The following CDH13 variants were observed in gnomAD, a reference collection of about 807,000 sequenced individuals.
The protein encoded by CDH13 is cadherin-13.
A neutral mutation model predicts 63.8 loss-of-function variants in CDH13; 24 were observed. The ratio of observed to expected loss-of-function variants is 0.38; its 90% CI spans 0.27 to 0.53. The LOEUF is 0.53. CDH13 is among the 20% of genes least tolerant of loss of function. CDH13 has a pLI of 0.85. For missense variants in CDH13, 1,049 were observed against 903.1 expected, an observed-to-expected ratio of 1.16 and a Z score of -2.07; for synonymous variants, 503 against 355.3, an observed-to-expected ratio of 1.42 and a Z score of -4.67.
At chr16:83,055,115 G>A (rs181158924) in intron 3 of CDH13, among the ~76,000 whole-genome samples, 9 of 151,946 alleles carry the variant, frequency 5.9e-5, no homozygotes, top group East Asian at 5.8e-4. Context: ...ATAATAGTAA[G>A]AAGTAGAAAA....
chr16:83,549,211 TCACCTGGGAGAGCCCACGGGAG>T (rs2075445680), intron 7 of CDH13, among the ~76,000 whole-genome samples: 2 of 152,144 alleles, frequency 1.3e-5, no homozygotes, highest in African/African-American at 4.8e-5. Context: ...TCCTTGGGTC[TCACCTGGGAGAGCCCACGGGAG>T]CACCTGTGAG....
At chr16:83,310,817 C>G (rs1463864373) in intron 5 of CDH13, among the ~76,000 whole-genome samples, 1 of 152,172 alleles carries the variant, frequency 6.6e-6, no homozygotes, top group Non-Finnish European at 1.5e-5. Flanking sequence ...TTGCAGGTGA[C>G]TTGCTTCTGC....
At chr16:83,544,392 T>A (rs1359182558) in intron 7 of CDH13, among the ~76,000 whole-genome samples, 1 of 152,144 alleles carries the variant, frequency 6.6e-6, no homozygotes, top group Non-Finnish European at 1.5e-5. Flanking sequence ...TATGACCCGA[T>A]AAACCCATCG....
At chr16:83,227,975 G>C (rs1567522174) in intron 5 of CDH13, among the ~76,000 whole-genome samples, 1 of 152,136 alleles carries the variant, frequency 6.6e-6, no homozygotes, top group Non-Finnish European at 1.5e-5. Flanking sequence ...TGACGATCAG[G>C]TGGCCCTAAG....
At chr16:83,707,544 C>A (rs1273472734) in intron 10 of CDH13, among the ~76,000 whole-genome samples, 1 of 152,010 alleles carries the variant, frequency 6.6e-6, no homozygotes, top group African/African-American at 2.4e-5. Flanking sequence ...ATATTTTTAC[C>A]ATTCACTTTA....
chr16:83,582,249 A>C (rs984564140), intron 7 of CDH13, among the ~76,000 whole-genome samples: 2 of 152,000 alleles, frequency 1.3e-5, no homozygotes, highest in African/African-American at 4.8e-5. Context: ...CTTTACGCAG[A>C]TGTTTCTGGG....
At chr16:83,794,073 C>T (rs986478724) in intron 13 of CDH13, among the ~76,000 whole-genome samples, 11 of 152,126 alleles carry the variant, frequency 7.2e-5, no homozygotes, top group African/African-American at 2.7e-4. Flanking sequence ...CCTTAGAGGC[C>T]AGGAAAGGCA....
At chr16:83,325,972 A>T (rs2090350816) in intron 5 of CDH13, among the ~76,000 whole-genome samples, 1 of 152,154 alleles carries the variant, frequency 6.6e-6, no homozygotes, top group Admixed American at 6.5e-5. Context: ...TGCTAAACTG[A>T]AAGAGAAAAA....
At chr16:83,102,965 T>TTTTTTTTTTTTTTTTTTTTTTTTTTTC (rs2034570357) in intron 3 of CDH13, among the ~76,000 whole-genome samples, 3 of 107,836 alleles carry the variant, frequency 2.8e-5, no homozygotes, top group Non-Finnish European at 5.5e-5. Flanking sequence ...TTTTTTTTTT[T>TTTTTTTTTTTTTTTTTTTTTTTTTTTC]TTTTTGAGGT....
intron 7 of CDH13, among the ~76,000 whole-genome samples, chr16:83,524,197 TAA>T (rs2074904028): frequency 6.6e-6 from 1 of 152,136 alleles, no homozygotes; most frequent in East Asian, 1.9e-4. Context: ...AATTTGCAGT[TAA>T]GAGAATAAAT....
In CDH13 at chr16:82,761,218, A is replaced by G. The variant is rs185391038; in HGVS notation, c.46-97144A>G. Among the ~76,000 whole-genome samples the G allele has an allele frequency of 1.7e-3, 252 of 151,504 alleles. 1 individual carries two copies. The highest frequency in any genetic ancestry group is 6.0e-3 in the African/African-American group (248 of 41,328). On this transcript the variant is annotated intron_variant, in intron 1 of 13. Coordinates refer to ENST00000567109, the MANE Select transcript of CDH13 (RefSeq NM_001257.5). ...TTTGTATTTTTGACGGGGTTTCACC[A>G]TATTGGCCAGGCTGGTCTTGAACTC...
intron 1 of CDH13, among the ~76,000 whole-genome samples, chr16:82,710,048 T>TAC (rs921251629): frequency 1.5e-4 from 22 of 150,072 alleles, no homozygotes; most frequent in South Asian, 2.1e-4. Flanking sequence ...AAAGTATGCA[T>TAC]ACACACACAC....
At chr16:83,532,401 C>G (rs1269294260) in intron 7 of CDH13, among the ~76,000 whole-genome samples, 1 of 152,158 alleles carries the variant, frequency 6.6e-6, no homozygotes, top group Admixed American at 6.5e-5. Context: ...AGTTTAATGC[C>G]CAGCACCTGG....
intron 1 of CDH13, among the ~76,000 whole-genome samples, chr16:82,657,391 A>C (rs930756364): frequency 4.6e-5 from 7 of 152,194 alleles, no homozygotes; most frequent in Non-Finnish European, 8.8e-5. Flanking sequence ...CTGAGTGACT[A>C]ATGGATGATG....
intron 2 of CDH13, among the ~76,000 whole-genome samples, chr16:82,948,962 C>T (rs1469473269): frequency 6.6e-6 from 1 of 152,152 alleles, no homozygotes; most frequent in Non-Finnish European, 1.5e-5. Flanking sequence ...TTCAAACTTA[C>T]TATAGAAAAT....
intron 5 of CDH13, among the ~76,000 whole-genome samples, chr16:83,329,492 C>T (rs928699325): frequency 6.6e-6 from 1 of 151,920 alleles, no homozygotes; most frequent in Admixed American, 6.6e-5. Flanking sequence ...CCACCTCGAT[C>T]TCCCAAAGTG....
chr16:82,670,948 G>A (rs918699145), intron 1 of CDH13, among the ~76,000 whole-genome samples: 2 of 152,284 alleles, frequency 1.3e-5, no homozygotes, highest in Admixed American at 6.5e-5. Context: ...TTCCTATCAT[G>A]GGTAATAGTA....
chr16:83,199,352 A>G (rs2038961801), intron 4 of CDH13, among the ~76,000 whole-genome samples: 2 of 152,220 alleles, frequency 1.3e-5, no homozygotes, highest in African/African-American at 2.4e-5. Context: ...GGACTTTGTT[A>G]TCCAGGAGTT....
chr16:83,000,220 C>CTTTTTTTTTTTTTTTTTT (rs1567731430), intron 2 of CDH13, among the ~76,000 whole-genome samples: 1 of 33,946 alleles, frequency 2.9e-5, no homozygotes, highest in Non-Finnish European at 6.0e-5. Context: ...ACAGGTTTAG[C>CTTTTTTTTTTTTTTTTTT]TTATTTTTTT....
Sources: gnomAD v4.1 joint callset for allele counts (sites outside exome capture counted in the v4.1 genomes callset) on GRCh38, gnomAD v4.1.1 for gene constraint, MANE v1.5 for transcripts, NCBI Gene and HGNC (gene_info 2026-07-23, HGNC 2026-07-21) for gene names.